Variants in QRICH2 observed in about 807,000 individuals in gnomAD.
QRICH2 encodes the protein glutamine rich 2.
Under a neutral mutation model 168.3 loss-of-function variants are expected in QRICH2, and 119 were observed. The observed-to-expected ratio is 0.71, with a 90% CI of 0.61 to 0.82. QRICH2 has a LOEUF of 0.82. Ranked by LOEUF, QRICH2 falls within the 40% of genes least tolerant of loss-of-function variation. QRICH2 has a pLI of 0.00. For synonymous variants in QRICH2, 894 were observed against 951.2 expected, an observed-to-expected ratio of 0.94 and a Z score of 1.11; for missense variants, 2,241 against 2,491.6, an observed-to-expected ratio of 0.90 and a Z score of 2.14.
At chr17:76,278,929 T>C in intron 14 of QRICH2, 112 bp downstream of exon 14, 1 of 871,534 alleles carries the variant, frequency 1.1e-6, no homozygotes, top group Non-Finnish European at 1.9e-6. Flanking sequence ...CCCACAGCAC[T>C]GCCTTCTGTC....
intron 18 of QRICH2, 29 bp downstream of exon 18, chr17:76,275,790 G>C (rs771231199): frequency 1.3e-6 from 2 of 1,599,628 alleles, no homozygotes; most frequent in South Asian, 1.1e-5. Flanking sequence ...GGGAGGCCTG[G>C]CAGGACGCCC....
rs2071017624 is a variant in QRICH2 at position 76,307,978 on chromosome 17, G to A, written c.21C>T (p.Val7=). Residue 7 remains valine (V), a synonymous_variant, in exon 1 of 19, where the codon GTC becomes GTT. Transcript: ENST00000680821. The surrounding 1 kb of genome is among the most constrained non-coding windows in gnomAD (Gnocchi z 5.3). The stretch of plus-strand genomic sequence containing the variant: ...AGAGGTCCGCCAGCTCCCGGAGGGA[G>A]ACCGTGGTCGCGGGCGGCATCGTGG... MPPATT[V]SLRELADLSI... is the part of the protein sequence containing the mutation. 1 of 1,233,304 alleles carries A rather than the reference G, an allele frequency of 8.1e-7. No homozygotes were observed. Among genetic ancestry groups the A allele is most frequent in the Non-Finnish European group, 1.0e-6 (1 of 988,544 alleles). 76.4% of individuals were successfully genotyped at this position (1,233,304 alleles called of 1,614,324 possible).
rs143499534 is a variant in QRICH2 at position 76,292,923 on chromosome 17, G to T, written c.1804C>A (p.Arg602=). The T allele has an allele frequency of 3.1e-6, 5 of 1,609,938 alleles. No homozygotes were observed. Among genetic ancestry groups the T allele is most frequent in the East Asian group, 2.2e-5 (1 of 44,836 alleles). The change falls in exon 4 of 19, where the codon CGG becomes AGG. Residue 602 remains arginine, a synonymous_variant. Coordinates refer to ENST00000680821, the MANE Select transcript of QRICH2 (RefSeq NM_001388453.1). ...QPGADQRGLV[R]PGMDQSGLAQ... ...AAACCAGACTGATCCATTCCAGGCC[G>T]GACCAAACCACGCTGATCTGCACCA...
intron 7 of QRICH2, 101 bp downstream of exon 7, chr17:76,287,091 A>C: frequency 1.4e-5 from 7 of 512,420 alleles, no homozygotes; most frequent in African/African-American, 2.8e-5. Context: ...CACACACATG[A>C]TGGGAGGGAC....
At chr17:76,286,046 G>A (rs568201700) in intron 7 of QRICH2, among the ~76,000 whole-genome samples, 23 of 151,976 alleles carry the variant, frequency 1.5e-4, no homozygotes, top group African/African-American at 5.6e-4. Context: ...GTGGTGGCAG[G>A]TGCCTGTAGT....
chr17:76,287,261 C>T lies in QRICH2; in HGVS notation c.3942G>A (p.Glu1314=). 1.2e-6 allele frequency: 2 copies of T among 1,614,032 alleles called. No individual in the cohort carries two copies. The highest frequency in any genetic ancestry group is 1.7e-6 in the Non-Finnish European group (2 of 1,179,940). The stretch of plus-strand genomic sequence containing the variant: ...TGGCAGCCTTGCCCCTGTCTTGGCT[C>T]TCCCTCAACTCGGCCAGCTCCTTTT... ...DIEKELAELR[E]SQDRGKAAME... Residue 1314 remains glutamate, a synonymous_variant, in exon 7 of 19, where the codon GAG becomes GAA. Coordinates refer to ENST00000680821, the MANE Select transcript of QRICH2 (RefSeq NM_001388453.1).
upstream of QRICH2, among the ~76,000 whole-genome samples, chr17:76,308,784 C>T (rs1019921668): frequency 6.6e-6 from 1 of 151,934 alleles, no homozygotes; most frequent in Non-Finnish European, 1.5e-5. Flanking sequence ...CTTGCTCTGT[C>T]GCCCAGGCTG....
chr17:76,287,672 G>A, intron 6 of QRICH2, 128 bp downstream of exon 6: 1 of 725,530 alleles, frequency 1.4e-6, no homozygotes, highest in South Asian at 1.6e-5. Context: ...AATGTGAAGA[G>A]CAGACACAAT....
rs773001221 is a variant in QRICH2 at position 76,280,718 on chromosome 17, T to C, written c.4397A>G (p.Gln1466Arg). 6 of 1,613,976 alleles carry C rather than the reference T, an allele frequency of 3.7e-6. No homozygotes were observed. In the African/African-American group the frequency reaches 6.7e-5, roughly 18 times the overall value. Reference sequence around the variant, plus strand: ...TTCCTTTTCGAGCTTCTCCAGACCCTGGTACAGCATCTGGGGAGGCCAAGT... The same window carrying C: ...TTCCTTTTCGAGCTTCTCCAGACCCCGGTACAGCATCTGGGGAGGCCAAGT... ...QKQKDIAMLY[Q>R]GLEKLEKEKA... Residue 1466 changes from glutamine (Q) to arginine (R), a missense_variant, in exon 10 of 19, where the codon CAG becomes CGG. Gln to Arg is a conservative substitution (Grantham distance 43). Transcript: ENST00000680821. The surrounding 1 kb of genome is among the most constrained non-coding windows in gnomAD (Gnocchi z 7.4).
intron 3 of QRICH2, 104 bp downstream of exon 3, chr17:76,304,311 G>A: frequency 1.5e-6 from 1 of 687,618 alleles, no homozygotes; most frequent in Non-Finnish European, 2.5e-6. Context: ...AATGAAACTT[G>A]CGAACTATGA....
chr17:76,308,933 G>C (rs2071032523), upstream of QRICH2, among the ~76,000 whole-genome samples: 1 of 146,822 alleles, frequency 6.8e-6, no homozygotes, highest in East Asian at 2.0e-4. Flanking sequence ...TTTTAGCAGA[G>C]ACGGGGTTTC....
intron 3 of QRICH2, among the ~76,000 whole-genome samples, chr17:76,298,335 C>T (rs756461405): frequency 4.0e-5 from 6 of 151,314 alleles, no homozygotes; most frequent in East Asian, 2.0e-4. Context: ...CCCACCACCA[C>T]GCCCGGATAA....
chr17:76,274,213 A>G lies in QRICH2; in HGVS notation c.5530T>C (p.Ser1844Pro). 12 of 1,599,010 alleles carry G rather than the reference A, an allele frequency of 7.5e-6. No homozygotes were observed. The highest frequency in any genetic ancestry group is 1.0e-5 in the Non-Finnish European group (12 of 1,175,028). ...KDRPSSEGRL[S>P]QPNTAHPPSS... is the part of the protein sequence containing the mutation. ...GGCGGGTGGGCTGTGTTCGGCTGGG[A>G]GAGACGGCCCTCGGAGGAAGGTCTA... The change falls in exon 19 of 19, where the codon TCC (serine) becomes CCC (proline). Residue 1844 changes from serine to proline, a missense_variant. Coordinates refer to ENST00000680821, the MANE Select transcript of QRICH2 (RefSeq NM_001388453.1).
In QRICH2 at chr17:76,308,237, T is replaced by C; in HGVS notation, c.-239A>G. On this transcript the variant is annotated 5_prime_UTR_variant, in exon 1 of 19. Transcript: ENST00000680821. The stretch of plus-strand genomic sequence containing the variant: ...TGTCGCTGGCCTCGGGTCCCCGAGC[T>C]GGAGCCCTGGACTCCCAGTCCCCGC... The C allele has an allele frequency of 1.0e-6, 1 of 985,424 alleles. No homozygotes were observed. Among genetic ancestry groups the C allele is most frequent in the Non-Finnish European group, 1.2e-6 (1 of 829,912 alleles). The allele number at this position is 985,424 out of a possible 1,614,324, so 61.0% of individuals were successfully genotyped here. A position where few individuals can be genotyped will look rare whatever the true frequency, so the allele number is the denominator to read the frequency against.
At chr17:76,286,161 C>T (rs1255493861) in intron 7 of QRICH2, among the ~76,000 whole-genome samples, 2 of 142,698 alleles carry the variant, frequency 1.4e-5, no homozygotes, top group Non-Finnish European at 3.0e-5. Flanking sequence ...GGCGAGAGAG[C>T]AAGACTCCGT....
intron 1 of QRICH2, 78 bp from the exon 2 acceptor site, chr17:76,305,019 G>T: frequency 1.1e-6 from 1 of 923,762 alleles, no homozygotes; most frequent in Non-Finnish European, 1.8e-6. Context: ...ACACAGATGC[G>T]CACACACACT....
At position 76,291,326 on chromosome 17, in the gene QRICH2, G is replaced by A. The variant is rs1021536550; in HGVS notation, c.3401C>T (p.Thr1134Ile). 1 of 1,614,138 alleles carries A rather than the reference G, an allele frequency of 6.2e-7. No homozygotes were observed. The highest frequency in any genetic ancestry group is 8.5e-7 in the Non-Finnish European group (1 of 1,180,034). ...AATTCCATGTCGGTCCGAGGCTCGT[G>A]TTCTATTTGGATCCAAACCTTCCTG... ...HGQEGLDPNR[T>I]RASDRHGIPA... The change falls in exon 4 of 19, where the codon ACA becomes ATA. Residue 1134 changes from threonine (T) to isoleucine (I), a missense_variant. Physicochemically the swap from Thr to Ile is moderately conservative, Grantham distance 89. Coordinates refer to ENST00000680821, the MANE Select transcript of QRICH2 (RefSeq NM_001388453.1).
intron 5 of QRICH2, 117 bp downstream of exon 5, chr17:76,289,875 C>T (rs1170518619): frequency 1.4e-5 from 9 of 629,574 alleles, no homozygotes; most frequent in East Asian, 6.8e-5. Flanking sequence ...TCGCTTGAAC[C>T]TGGGAGGTGG....
In QRICH2 at chr17:76,280,677, G is replaced by A; in HGVS notation, c.4438C>T (p.His1480Tyr). 6.2e-7 allele frequency: 1 copy of A among 1,614,144 alleles called. No individual in the cohort carries two copies. Among genetic ancestry groups the A allele is most frequent in the East Asian group, 2.2e-5 (1 of 44,886 alleles). Reference sequence around the variant, plus strand: ...ACCACATCGATCTCCATCTCCAGGTGCTCCCTGTTGGCCTTTTCCTTTTCG... The same window carrying A: ...ACCACATCGATCTCCATCTCCAGGTACTCCCTGTTGGCCTTTTCCTTTTCG... ...KLEKEKANRE[H>Y]LEMEIDVKAD... The change falls in exon 10 of 19, where the codon CAC becomes TAC. Residue 1480 changes from histidine to tyrosine, a missense_variant. His to Tyr is a moderately conservative substitution (Grantham distance 83, BLOSUM62 2). This residue lies in a region of QRICH2 where 2,047 missense variants were observed against 2,303.8 expected (regional missense o/e 0.89). Transcript: ENST00000680821. The surrounding 1 kb of genome is among the most constrained non-coding windows in gnomAD (Gnocchi z 7.4).
Sources: allele counts gnomAD v4.1 joint callset (sites outside exome capture counted in the v4.1 genomes callset), GRCh38; gene constraint gnomAD v4.1.1; regional missense constraint gnomAD v4.1.1; non-coding constraint Gnocchi (gnomAD v3.1); transcripts MANE v1.5; gene names NCBI Gene and HGNC (gene_info 2026-07-23, HGNC 2026-07-21).